NFS1: variants seen among roughly 807,000 people sequenced by gnomAD.
NFS1 encodes the protein cysteine desulfurase.
NFS1 carries 26 observed loss-of-function variants against 57.3 expected under a neutral mutation model. The ratio of observed to expected loss-of-function variants is 0.45; its 90% confidence interval spans 0.33 to 0.63. The LOEUF is 0.63. Among genes scored for constraint, NFS1 ranks in the 20% least tolerant of loss-of-function variants. NFS1 has a pLI of 0.02. For synonymous variants in NFS1, 209 were observed against 216.3 expected (o/e 0.97, Z 0.30); for missense variants, 505 against 605.8 (o/e 0.83, Z 1.75).
chr20:35,699,163 G>A lies in NFS1; in HGVS notation c.97+29C>T, dbSNP rs2035197975. 2 of 1,387,518 alleles carry A rather than the reference G, an allele frequency of 1.4e-6. No individual in the cohort carries two copies. Among genetic ancestry groups the A allele is most frequent in the East Asian group, 3.0e-5 (1 of 33,270 alleles). 86.0% of individuals were successfully genotyped at this position (1,387,518 alleles called of 1,614,324 possible). A position where few individuals can be genotyped will look rare whatever the true frequency, so the allele number is the denominator to read the frequency against. On this transcript the variant is annotated intron_variant, in intron 1 of 12. Transcript: ENST00000374092. The surrounding 1 kb of genome is among the most constrained non-coding windows in gnomAD (Gnocchi z 4.4). Reference sequence around the variant, plus strand: ...CGCCGCGCGGAGGGGACAGGTCCGCGCCTCCCGGAGAGCGGGACCCGAGCG... The same window carrying A: ...CGCCGCGCGGAGGGGACAGGTCCGCACCTCCCGGAGAGCGGGACCCGAGCG...
intron 5 of NFS1, among the ~76,000 whole-genome samples, chr20:35,687,155 C>A (rs2034958965): frequency 6.6e-6 from 1 of 152,126 alleles, no homozygotes; most frequent in East Asian, 1.9e-4. Context: ...GAAAGGGAAT[C>A]CCCCTTTCCC....
At chr20:35,689,684 C>T (rs763407626) in intron 5 of NFS1, among the ~76,000 whole-genome samples, 3 of 151,420 alleles carry the variant, frequency 2.0e-5, no homozygotes, top group South Asian at 2.1e-4. Flanking sequence ...GCAGGGGAGT[C>T]GCTTGAACCC....
At chr20:35,677,052 A>C (rs775483814) in intron 7 of NFS1, among the ~76,000 whole-genome samples, 3 of 152,122 alleles carry the variant, frequency 2.0e-5, no homozygotes, top group Non-Finnish European at 2.9e-5. Flanking sequence ...TTTTTAGTAC[A>C]GACGGGGTTT....
intron 7 of NFS1, among the ~76,000 whole-genome samples, chr20:35,680,042 C>T (rs1357773424): frequency 6.6e-6 from 1 of 152,036 alleles, no homozygotes; most frequent in Non-Finnish European, 1.5e-5. Context: ...TGGTGGCTCA[C>T]ATCTATAATC....
chr20:35,698,783 G>A, intron 1 of NFS1, 193 bp from the exon 2 acceptor site: 2 of 1,396,584 alleles, frequency 1.4e-6, no homozygotes, highest in Non-Finnish European at 9.3e-7. Context: ...GAGGGAGAGA[G>A]GGTTCCTGGA....
Position 35,668,260 on chromosome 20 carries a change from C to T in NFS1, c.*1362G>A, listed in dbSNP as rs979415431. 1.2e-4 allele frequency: 19 copies of T among 152,190 alleles called. No individual in the cohort carries two copies. Among genetic ancestry groups the T allele is most frequent in the South Asian group, 2.1e-4 (1 of 4,822 alleles). 9.4% of individuals were successfully genotyped at this position (152,190 alleles called of 1,614,324 possible). ...AGTGGCTTTCAAACTTTCCTGTCCC[C>T]CTGCTACTGGCAAGTATGAAAAGCA... On this transcript the variant is annotated 3_prime_UTR_variant, in exon 13 of 13. Coordinates refer to ENST00000374092, the MANE Select transcript of NFS1 (RefSeq NM_021100.5).
At chr20:35,677,117 G>A (rs556556817) in intron 7 of NFS1, among the ~76,000 whole-genome samples, 1 of 152,124 alleles carries the variant, frequency 6.6e-6, no homozygotes, top group Admixed American at 6.6e-5. Flanking sequence ...TGCCCGCCTC[G>A]GCCTCCCAAA....
rs1432022599 is a variant in NFS1 at position 35,681,952 on chromosome 20, A to C, written c.591T>G (p.Thr197=). The change falls in exon 6 of 13, where the codon ACT becomes ACG. Residue 197 remains threonine (T), a synonymous_variant. Transcript: ENST00000374092. ...KELEAAIQPD[T]SLVSVMTVNN... The stretch of plus-strand genomic sequence containing the variant: ...TCACAGTCATGACTGACACCAGGCT[A>C]GTATCTGGCTGGATAGCAGCCTCTA... 6.2e-7 allele frequency: 1 copy of C among 1,611,928 alleles called. No individual in the cohort carries two copies. Among genetic ancestry groups the C allele is most frequent in the Non-Finnish European group, 8.5e-7 (1 of 1,178,148 alleles).
chr20:35,696,481 A>G, intron 3 of NFS1, 21 bp from the exon 4 acceptor site: 1 of 1,589,592 alleles, frequency 6.3e-7, no homozygotes, highest in Non-Finnish European at 8.6e-7. Flanking sequence ...AGAAACAGAG[A>G]TATATAACAT....
intron 7 of NFS1, chr20:35,675,844 C>CTGAGTGA (rs2034730454): frequency 7.0e-6 from 1 of 143,286 alleles, no homozygotes; most frequent in African/African-American, 2.6e-5. Context: ...GCACTCCAGC[C>CTGAGTGA]TGAGTGATGG....
intron 7 of NFS1, chr20:35,675,541 A>G (rs1049667532): frequency 1.1e-4 from 30 of 274,758 alleles, no homozygotes; most frequent in Middle Eastern, 2.5e-3. Flanking sequence ...ATGGTCAAAT[A>G]GATTATGGCA....
At chr20:35,673,314 C>T (rs1258010585) in intron 11 of NFS1, among the ~76,000 whole-genome samples, 6 of 151,492 alleles carry the variant, frequency 4.0e-5, no homozygotes, top group East Asian at 3.9e-4. Context: ...ACATGATCTA[C>T]GGACCACCAA....
chr20:35,671,246 G>A (rs1179253709), intron 12 of NFS1, among the ~76,000 whole-genome samples: 5 of 152,136 alleles, frequency 3.3e-5, no homozygotes, highest in Admixed American at 6.5e-5. Flanking sequence ...TGGGACTACA[G>A]GTGCCCACCA....
chr20:35,671,193 T>G (rs1249046695), intron 12 of NFS1, among the ~76,000 whole-genome samples: 1 of 152,186 alleles, frequency 6.6e-6, no homozygotes, highest in Non-Finnish European at 1.5e-5. Flanking sequence ...AAGCTCTGCC[T>G]CCTGGGTTCA....
intron 10 of NFS1, chr20:35,674,053 G>T: frequency 2.1e-6 from 1 of 468,408 alleles, no homozygotes; most frequent in Non-Finnish European, 3.9e-6. Context: ...GGCCTTTGGA[G>T]CATCTTCAAT....
Position 35,673,598 on chromosome 20 carries a change from G to T in NFS1, c.1220+3C>A. ...CATAAATGTTGCAGCTCAACTCACTGACCTGATAGAAGAGTGCGCTAAATC... is the reference window on the plus strand; with the variant it reads ...CATAAATGTTGCAGCTCAACTCACTTACCTGATAGAAGAGTGCGCTAAATC... On this transcript the variant is annotated splice_donor_region_variant and intron_variant, in intron 11 of 12. Coordinates refer to ENST00000374092, the MANE Select transcript of NFS1 (RefSeq NM_021100.5). The T allele has an allele frequency of 6.2e-7, 1 of 1,612,468 alleles. No homozygotes were observed. The highest frequency in any genetic ancestry group is 1.1e-5 in the South Asian group (1 of 90,946).
At chr20:35,694,634 T>TATTTACATCCCAAAG in intron 4 of NFS1, 1 of 152,134 alleles carries the variant, frequency 6.6e-6, no homozygotes, top group African/African-American at 2.4e-5. Context: ...GTAAAAATGG[T>TATTTACATCCCAAAG]TGTGGGGCAC....
chr20:35,695,723 T>C (rs1317072113), intron 4 of NFS1, among the ~76,000 whole-genome samples: 3 of 152,040 alleles, frequency 2.0e-5, no homozygotes, highest in Non-Finnish European at 4.4e-5. Context: ...AAATCACATA[T>C]ATAACTTGTT....
rs778778685 is a variant in NFS1 at position 35,698,534 on chromosome 20, C to A, written c.154G>T (p.Val52Leu). ...TAGAGAGGTCGCAGCACTGGCCCCA[C>A]CTCCGGGGCAGCGGCTGTATCTGCG... is the stretch of plus-strand genomic sequence containing the variant. ...VPADTAAAPE[V>L]GPVLRPLYMD... Residue 52 changes from valine (V) to leucine (L), a missense_variant, in exon 2 of 13, where the codon GTG (valine) becomes TTG (leucine). Val to Leu is a conservative substitution (Grantham distance 32). Transcript: ENST00000374092. 3 of 1,613,918 alleles carry A rather than the reference C, an allele frequency of 1.9e-6. No homozygotes were observed. Among genetic ancestry groups the A allele is most frequent in the Non-Finnish European group, 2.5e-6 (3 of 1,179,922 alleles).
Sources: allele counts gnomAD v4.1 joint callset (sites outside exome capture counted in the v4.1 genomes callset), GRCh38; gene constraint gnomAD v4.1.1; non-coding constraint Gnocchi (gnomAD v3.1); transcripts MANE v1.5; gene names NCBI Gene and HGNC (gene_info 2026-07-23, HGNC 2026-07-21).